The following TM4SF18 variants were observed in gnomAD, a reference collection of about 807,000 sequenced individuals.
TM4SF18 encodes transmembrane 4 L6 family member 18.
In TM4SF18, 22 loss-of-function variants were observed where a neutral mutation model predicts 23.8. The observed-to-expected ratio is 0.92, with a 90% CI of 0.66 to 1.32. The LOEUF (loss-of-function observed/expected upper bound fraction) is 1.32. Ranked by LOEUF, TM4SF18 falls within the 40% of genes most tolerant of loss-of-function variation. The probability of loss-of-function intolerance (pLI) is 0.00; values close to 1 mark genes in which losing one functional copy is unlikely to be tolerated. For synonymous variants in TM4SF18, 87 were observed against 87.9 expected (o/e 0.99, Z 0.06); for missense variants, 255 against 240.3 (o/e 1.06, Z -0.41).
chr3:149,321,869 A>T (rs1049585510), intron 5 of TM4SF18, among the ~76,000 whole-genome samples: 1 of 152,226 alleles, frequency 6.6e-6, no homozygotes, highest in Non-Finnish European at 1.5e-5. Context: ...AGCATTCAGA[A>T]GAGAAGTTAT....
intron 4 of TM4SF18, among the ~76,000 whole-genome samples, chr3:149,323,113 T>C (rs534330191): frequency 1.3e-5 from 2 of 152,206 alleles, no homozygotes; most frequent in South Asian, 2.1e-4. Flanking sequence ...TGAGCCAGGA[T>C]GGTCTCGATC....
chr3:149,324,966 C>G lies in TM4SF18; in HGVS notation c.324G>C (p.Leu108=), dbSNP rs745899433. Residue 108 remains leucine, a synonymous_variant, in exon 4 of 6, where the codon CTG becomes CTC. Transcript: ENST00000296059. ...GGACAAGACCCAAGGCAGAGATGAC[C>G]AGGCAGTATCCAGAAAAAGCAATTC... ...SLGIAFSGYC[L]VISALGLVQG... The G allele has an allele frequency of 6.2e-7, 1 of 1,614,084 alleles. No homozygotes were observed. The highest frequency in any genetic ancestry group is 8.5e-7 in the Non-Finnish European group (1 of 1,179,998).
Position 149,320,606 on chromosome 3 carries a change from T to C in TM4SF18, c.*872A>G, listed in dbSNP as rs185774247. 4 of 152,308 alleles carry C rather than the reference T, an allele frequency of 2.6e-5. No homozygotes were observed. Among genetic ancestry groups the C allele is most frequent in the East Asian group, 1.9e-4 (1 of 5,188 alleles). 9.4% of individuals were successfully genotyped at this position (152,308 alleles called of 1,614,324 possible). ...TAGATTGTATAAGTTTATATAAAAC[T>C]CTTTTTGGCTCATCTATATCACTAC... On this transcript the variant is annotated 3_prime_UTR_variant, in exon 6 of 6. Transcript: ENST00000296059.
rs537796334 is a variant in TM4SF18, at chr3:149,326,669, C to G, written c.268-1647G>C. 7.9e-5 allele frequency among the ~76,000 whole-genome samples: 12 copies of G among 152,328 alleles called. No homozygotes were observed. The East Asian group carries it at 2.1e-3, about 27-fold the overall frequency. On this transcript the variant is annotated intron_variant, in intron 3 of 5. Coordinates refer to ENST00000296059, the MANE Select transcript of TM4SF18 (RefSeq NM_138786.4). ...ATCATTTTTCTGCACAGAACAACTTCCATTTCCCATTCCTCTCTCCTTTGC... is the reference window on the plus strand; with the variant it reads ...ATCATTTTTCTGCACAGAACAACTTGCATTTCCCATTCCTCTCTCCTTTGC...
At chr3:149,331,377 T>C (rs1731084307) in intron 2 of TM4SF18, among the ~76,000 whole-genome samples, 1 of 152,196 alleles carries the variant, frequency 6.6e-6, no homozygotes. Flanking sequence ...ACAGGTTTCT[T>C]TTCCTAGTTT....
Position 149,319,181 on chromosome 3 carries a change from G to A in TM4SF18, c.*2297C>T, listed in dbSNP as rs888451503. 6.6e-6 allele frequency: 1 copy of A among 152,188 alleles called. No individual in the cohort carries two copies. 9.4% of individuals were successfully genotyped at this position (152,188 alleles called of 1,614,324 possible). A position where few individuals can be genotyped will look rare whatever the true frequency, so the allele number is the denominator to read the frequency against. On this transcript the variant is annotated 3_prime_UTR_variant, in exon 6 of 6. Coordinates refer to ENST00000296059, the MANE Select transcript of TM4SF18 (RefSeq NM_138786.4). ...GCTGAATCTAAACAAGAGATAGACA[G>A]TCTGAAAGTATATAACAAACTGATG...
intron 4 of TM4SF18, 130 bp downstream of exon 4, chr3:149,324,750 A>G: frequency 3.4e-6 from 4 of 1,181,290 alleles, no homozygotes; most frequent in Non-Finnish European, 4.8e-6. Context: ...TAGTAAACTA[A>G]CAGGGAAATT....
At position 149,330,426 on chromosome 3, in the gene TM4SF18, G is replaced by A; in HGVS notation, c.178-7C>T. On this transcript the variant is annotated splice_polypyrimidine_tract_variant and splice_region_variant and intron_variant, in intron 2 of 5. Coordinates refer to ENST00000296059, the MANE Select transcript of TM4SF18 (RefSeq NM_138786.4). Reference sequence around the variant, plus strand: ...CTGTTGTTACTATAAGCATCTATAGGAGGGAAGACATAAAATGTTAGCAAT... The same window carrying A: ...CTGTTGTTACTATAAGCATCTATAGAAGGGAAGACATAAAATGTTAGCAAT... The A allele has an allele frequency of 6.4e-7, 1 of 1,551,744 alleles. No individual in the cohort carries two copies. The highest frequency in any genetic ancestry group is 8.8e-7 in the Non-Finnish European group (1 of 1,131,596).
chr3:149,320,182 A>G lies in TM4SF18; in HGVS notation c.*1296T>C, dbSNP rs779392922. The G allele has an allele frequency of 4.6e-5, 7 of 152,450 alleles. No individual in the cohort carries two copies. The highest frequency in any genetic ancestry group is 8.8e-5 in the Non-Finnish European group (6 of 68,228). 9.4% of individuals were successfully genotyped at this position (152,450 alleles called of 1,614,324 possible). On this transcript the variant is annotated 3_prime_UTR_variant, in exon 6 of 6. Transcript: ENST00000296059. ...GTCCATGGAGGAGACAAATGGGGAA[A>G]TGGCAGAAGTGTTGAGGCCCAGTGC... is the stretch of plus-strand genomic sequence containing the variant.
At chr3:149,327,150 A>G (rs371417739) in intron 3 of TM4SF18, among the ~76,000 whole-genome samples, 1 of 152,176 alleles carries the variant, frequency 6.6e-6, no homozygotes, top group Non-Finnish European at 1.5e-5. Flanking sequence ...GGGTTTCACC[A>G]TGTTGGCCAG....
chr3:149,330,466 C>T (rs748644867), intron 2 of TM4SF18, 47 bp from the exon 3 acceptor site: 5 of 1,317,210 alleles, frequency 3.8e-6, no homozygotes, highest in Non-Finnish European at 5.4e-6. Flanking sequence ...TGCTAGTTTA[C>T]ATTTGTGCTT....
At chr3:149,323,489 C>A (rs529102922) in intron 4 of TM4SF18, among the ~76,000 whole-genome samples, 1 of 152,134 alleles carries the variant, frequency 6.6e-6, no homozygotes. Context: ...TGCAGGAAGT[C>A]GGGGACCCCA....
chr3:149,326,804 C>T (rs1730959172), intron 3 of TM4SF18, among the ~76,000 whole-genome samples: 3 of 152,208 alleles, frequency 2.0e-5, no homozygotes, highest in Admixed American at 2.0e-4. Flanking sequence ...CCAATGTGAA[C>T]ATCCCTGTAG....
intron 3 of TM4SF18, 89 bp downstream of exon 3, chr3:149,330,241 A>G (rs989745927): frequency 2.5e-6 from 2 of 802,912 alleles, no homozygotes; most frequent in Non-Finnish European, 4.2e-6. Flanking sequence ...TAGTGAGGGT[A>G]TAATACTGTC....
intron 3 of TM4SF18, 84 bp from the exon 4 acceptor site, chr3:149,325,106 C>T (rs1730910577): frequency 2.9e-6 from 4 of 1,386,968 alleles, no homozygotes; most frequent in South Asian, 2.6e-5. Context: ...GCTACATTCC[C>T]CTATTCACCC....
intron 3 of TM4SF18, among the ~76,000 whole-genome samples, chr3:149,327,815 G>T (rs778301160): frequency 4.6e-5 from 7 of 152,048 alleles, no homozygotes; most frequent in Non-Finnish European, 8.8e-5. Context: ...TTCATTGGGG[G>T]AAACTGGCAG....
intron 3 of TM4SF18, among the ~76,000 whole-genome samples, chr3:149,325,344 A>G (rs17787898): frequency 0.16 from 23,930 of 152,184 alleles, 2,275 homozygotes; most frequent in Non-Finnish European, 0.22. Flanking sequence ...ATCAACCCAT[A>G]ACTATCTATT....
chr3:149,327,097 G>A (rs1045552779), intron 3 of TM4SF18, among the ~76,000 whole-genome samples: 3 of 152,048 alleles, frequency 2.0e-5, no homozygotes, highest in African/African-American at 4.8e-5. Context: ...CTACAGGCAC[G>A]TGCCGCCACG....
chr3:149,333,592 G>C lies in TM4SF18; in HGVS notation c.-97C>G. The C allele has an allele frequency of 2.4e-6, 1 of 421,616 alleles. No homozygotes were observed. The highest frequency in any genetic ancestry group is 8.5e-5 in the South Asian group (1 of 11,768). The allele number at this position is 421,616 out of a possible 1,614,324, so 26.1% of individuals were successfully genotyped here. ...AATATACCCGCAGCCGACAATCTCA[G>C]TGTGAAATACTGGTTTACTGTTTGG... On this transcript the variant is annotated 5_prime_UTR_variant, in exon 1 of 6. Coordinates refer to ENST00000296059, the MANE Select transcript of TM4SF18 (RefSeq NM_138786.4).
Sources: allele counts gnomAD v4.1 joint callset (sites outside exome capture counted in the v4.1 genomes callset), GRCh38; gene constraint gnomAD v4.1.1; transcripts MANE v1.5; gene names NCBI Gene and HGNC (gene_info 2026-07-23, HGNC 2026-07-21).